TENM2: variants seen among roughly 807,000 people sequenced by gnomAD.
The protein encoded by TENM2 is teneurin transmembrane protein 2, also known as teneurin-2.
In TENM2, 52 loss-of-function variants were observed where a neutral mutation model predicts 245.2. The ratio of observed to expected loss-of-function variants is 0.21; its 90% CI spans 0.17 to 0.27. The LOEUF (loss-of-function observed/expected upper bound fraction) is 0.27. Ranked by LOEUF, TENM2 falls within the 10% of genes least tolerant of loss-of-function variation. The pLI is 1.00. For synonymous variants in TENM2, 1,363 were observed against 1,438.9 expected, an observed-to-expected ratio of 0.95 and a Z score of 1.19; for missense variants, 3,046 against 3,666.8, an observed-to-expected ratio of 0.83 and a Z score of 4.37.
chr5:167,748,895 A>C (rs973044255), intron 2 of TENM2, among the ~76,000 whole-genome samples: 1 of 152,076 alleles, frequency 6.6e-6, no homozygotes, highest in Non-Finnish European at 1.5e-5. Context: ...ATTACAGTTC[A>C]AGATGAGATT....
chr5:168,044,718 T>C (rs1788470357), intron 5 of TENM2, among the ~76,000 whole-genome samples: 1 of 151,796 alleles, frequency 6.6e-6, no homozygotes, highest in African/African-American at 2.4e-5. Context: ...TTATGAAAGG[T>C]AAAGGGAGAG....
intron 3 of TENM2, among the ~76,000 whole-genome samples, chr5:167,885,515 A>G (rs551388686): frequency 5.7e-4 from 86 of 152,186 alleles, no homozygotes; most frequent in African/African-American, 1.9e-3. Context: ...AACATAAACA[A>G]TTTTACAGAA....
At chr5:168,004,999 A>G (rs550935773) in intron 5 of TENM2, among the ~76,000 whole-genome samples, 6 of 152,184 alleles carry the variant, frequency 3.9e-5, no homozygotes, top group Admixed American at 1.3e-4. Flanking sequence ...TTGTTGGGTA[A>G]AGGTGCTGCC....
intron 6 of TENM2, among the ~76,000 whole-genome samples, chr5:168,051,469 AG>A (rs1416606979): frequency 6.6e-6 from 1 of 152,174 alleles, no homozygotes; most frequent in East Asian, 1.9e-4. Context: ...AAAAATAAAA[AG>A]TTTGATGGCC....
intron 17 of TENM2, among the ~76,000 whole-genome samples, chr5:168,201,380 A>T (rs1034719698): frequency 9.9e-5 from 15 of 152,068 alleles, no homozygotes; most frequent in African/African-American, 3.6e-4. Context: ...AGCTAATACC[A>T]AAATGACAGC....
chr5:167,292,302 C>T (rs1754686282), intron 1 of TENM2, among the ~76,000 whole-genome samples: 1 of 152,120 alleles, frequency 6.6e-6, no homozygotes. Context: ...ATTGTCTTTC[C>T]CTCAAAATTT....
chr5:168,135,072 G>C (rs897623971), intron 12 of TENM2, among the ~76,000 whole-genome samples: 2 of 152,114 alleles, frequency 1.3e-5, no homozygotes, highest in African/African-American at 2.4e-5. Flanking sequence ...TCATTTAGGA[G>C]ACCCAAATTT....
chr5:168,203,645 C>T (rs1055520760), intron 17 of TENM2, 44 bp from the exon 20 acceptor site: 2 of 1,531,660 alleles, frequency 1.3e-6, no homozygotes, highest in East Asian at 2.4e-5. Flanking sequence ...ATCAAGTAAA[C>T]TCTCTCTTTT....
chr5:167,660,694 A>G (rs1262918889), intron 2 of TENM2, among the ~76,000 whole-genome samples: 1 of 152,010 alleles, frequency 6.6e-6, no homozygotes, highest in Non-Finnish European at 1.5e-5. Context: ...AAAGTCTAAC[A>G]CCTTGCATTG....
At chr5:168,187,521 G>A (rs1760577882) in intron 13 of TENM2, 1 of 152,168 alleles carries the variant, frequency 6.6e-6, no homozygotes, top group African/African-American at 2.4e-5. Flanking sequence ...AGTGCTAACA[G>A]CAGTGGGTTT....
chr5:167,189,866 T>C, the TENM2 span, among the ~76,000 whole-genome samples: 1 of 152,140 alleles, frequency 6.6e-6, no homozygotes, highest in Admixed American at 6.6e-5. Context: ...CCTTGAGATA[T>C]AACTTTATAT....
chr5:167,583,169 T>A (rs1775215170), intron 2 of TENM2, among the ~76,000 whole-genome samples: 1 of 152,314 alleles, frequency 6.6e-6, no homozygotes, highest in East Asian at 1.9e-4. Context: ...CAGCAGGGAT[T>A]CAGATTTCAT....
At chr5:167,952,558 G>T (rs776823973) in intron 3 of TENM2, 30 bp from the exon 6 acceptor site, 8 of 1,556,250 alleles carry the variant, frequency 5.1e-6, no homozygotes, top group South Asian at 1.2e-5. Flanking sequence ...ATTTGCAGAC[G>T]CTAACAGTCA....
the TENM2 span, among the ~76,000 whole-genome samples, chr5:167,254,437 G>T: frequency 3.3e-5 from 5 of 152,144 alleles, no homozygotes; most frequent in Admixed American, 2.6e-4. Context: ...TTGTGCCAAA[G>T]TCATCCCTCC....
intron 3 of TENM2, among the ~76,000 whole-genome samples, chr5:167,940,059 G>T: frequency 6.6e-6 from 1 of 152,122 alleles, no homozygotes; most frequent in Admixed American, 6.5e-5. Context: ...GCTGTAGGAA[G>T]AGAAAAAATT....
At chr5:167,449,914 C>T (rs1328542809) in intron 2 of TENM2, among the ~76,000 whole-genome samples, 11 of 152,118 alleles carry the variant, frequency 7.2e-5, no homozygotes, top group Non-Finnish European at 1.0e-4. Flanking sequence ...GCTGAGATCC[C>T]GCCATTGCAC....
chr5:167,963,370 G>T (rs1781155946), intron 4 of TENM2, among the ~76,000 whole-genome samples: 1 of 152,168 alleles, frequency 6.6e-6, no homozygotes, highest in South Asian at 2.1e-4. Flanking sequence ...CCATGAGAGA[G>T]TATAGATATG....
the TENM2 span, among the ~76,000 whole-genome samples, chr5:166,997,399 G>A: frequency 0.96 from 146,588 of 152,266 alleles, 70,634 homozygotes; most frequent in African/African-American, 0.99. Context: ...TTATGGAATA[G>A]AATTTCCTTA....
At chr5:167,644,235 TAAG>T (rs1263938848) in intron 2 of TENM2, among the ~76,000 whole-genome samples, 1 of 152,218 alleles carries the variant, frequency 6.6e-6, no homozygotes, top group Non-Finnish European at 1.5e-5. Flanking sequence ...GTTTATTAAC[TAAG>T]CAAATTAAAC....
Sources: allele counts gnomAD v4.1 joint callset (sites outside exome capture counted in the v4.1 genomes callset), GRCh38; gene constraint gnomAD v4.1.1; transcripts MANE v1.5; gene names NCBI Gene and HGNC (gene_info 2026-07-23, HGNC 2026-07-21).